CSMD3: variants seen among roughly 807,000 people sequenced by gnomAD.
CSMD3 encodes CUB and Sushi multiple domains 3.
Under a neutral mutation model 435.2 loss-of-function variants are expected in CSMD3, and 177 were observed. That is an observed-to-expected ratio of 0.41 (90% confidence interval 0.36 to 0.46). CSMD3 has a LOEUF of 0.46. Ranked by LOEUF, CSMD3 falls within the 20% of genes least tolerant of loss-of-function variation. The probability of loss-of-function intolerance (pLI) is 0.34; values close to 1 mark genes in which losing one functional copy is unlikely to be tolerated. For missense variants in CSMD3, 4,265 were observed against 4,504.6 expected, an observed-to-expected ratio of 0.95 and a Z score of 1.52; for synonymous variants, 1,656 against 1,520.5, an observed-to-expected ratio of 1.09 and a Z score of -2.07.
chr8:112,997,862 GTATA>G lies in CSMD3; in HGVS notation c.1030+21201_1030+21204del, dbSNP rs35783145. ...CGTATGTATGTACATGTATATGTGT[GTATA>G]TATATATATATATACATATATATAT... On this transcript the variant is annotated intron_variant, in intron 6 of 70. Transcript: ENST00000297405. Among the ~76,000 whole-genome samples, 219 of 145,630 alleles carry G rather than the reference GTATA, an allele frequency of 1.5e-3. 3 individuals are homozygous for G. The South Asian group carries it at 0.019, about 13-fold the overall frequency.
chr8:113,216,369 T>C (rs1000443290), intron 3 of CSMD3, among the ~76,000 whole-genome samples: 11 of 151,886 alleles, frequency 7.2e-5, no homozygotes, highest in African/African-American at 2.4e-4. Flanking sequence ...GGCATTGAGA[T>C]ATAGTAAGCA....
intron 11 of CSMD3, among the ~76,000 whole-genome samples, chr8:112,834,480 A>G (rs1360320258): frequency 6.6e-6 from 1 of 151,790 alleles, no homozygotes; most frequent in Non-Finnish European, 1.5e-5. Context: ...AACTTAGTAT[A>G]TTGAGATATG....
At chr8:113,051,374 T>C (rs777030700) in intron 5 of CSMD3, among the ~76,000 whole-genome samples, 10 of 152,182 alleles carry the variant, frequency 6.6e-5, no homozygotes, top group Non-Finnish European at 1.2e-4. Flanking sequence ...CTTTGGGTAT[T>C]TGTCAAATTA....
rs114527199 is a variant in CSMD3, at chr8:113,206,938, T to C, written c.515-33022A>G. On this transcript the variant is annotated intron_variant, in intron 3 of 70. Coordinates refer to ENST00000297405, the MANE Select transcript of CSMD3 (RefSeq NM_198123.2). The stretch of plus-strand genomic sequence containing the variant: ...CAATAGTTTCTGCTGATGTTAATAT[T>C]TTCCTTATCTTTAAACCAGTGTTTC... 6.6e-3 allele frequency among the ~76,000 whole-genome samples: 1,006 copies of C among 152,292 alleles called. 11 individuals carry two copies. The highest frequency in any genetic ancestry group is 0.022 in the African/African-American group (905 of 41,562).
At chr8:112,291,740 C>A (rs770728214) in intron 55 of CSMD3, 45 bp from the exon 56 acceptor site, 2 of 1,206,006 alleles carry the variant, frequency 1.7e-6, no homozygotes, top group Non-Finnish European at 2.5e-6. Context: ...GAATAATATA[C>A]ATATACCTAT....
chr8:112,491,453 G>C (rs558010364), intron 31 of CSMD3, among the ~76,000 whole-genome samples: 6 of 152,186 alleles, frequency 3.9e-5, no homozygotes, highest in South Asian at 4.2e-4. Context: ...CCAGGAGTTT[G>C]AGACCAGCCT....
intron 2 of CSMD3, among the ~76,000 whole-genome samples, chr8:113,302,597 A>T (rs552437405): frequency 2.0e-5 from 3 of 152,034 alleles, no homozygotes; most frequent in East Asian, 3.9e-4. Flanking sequence ...GAGAACATTA[A>T]TATGCTTTCT....
intron 1 of CSMD3, among the ~76,000 whole-genome samples, chr8:113,355,448 G>C (rs1013492994): frequency 1.3e-5 from 2 of 151,874 alleles, no homozygotes; most frequent in African/African-American, 4.8e-5. Flanking sequence ...TCAGTGTCTG[G>C]TGAGGGCCAC....
At chr8:112,770,837 C>G (rs1269433348) in intron 13 of CSMD3, among the ~76,000 whole-genome samples, 5 of 151,858 alleles carry the variant, frequency 3.3e-5, no homozygotes, top group Admixed American at 3.3e-4. Flanking sequence ...CAGATTTTAC[C>G]TATAACAGCT....
intron 3 of CSMD3, among the ~76,000 whole-genome samples, chr8:113,265,449 G>A (rs1444106144): frequency 6.6e-6 from 1 of 151,514 alleles, no homozygotes; most frequent in African/African-American, 2.4e-5. Flanking sequence ...GGGATAGGTA[G>A]TTTGTACAGG....
intron 4 of CSMD3, among the ~76,000 whole-genome samples, chr8:113,156,933 A>AG (rs2091945238): frequency 7.2e-6 from 1 of 138,472 alleles, no homozygotes; most frequent in African/African-American, 3.0e-5. Context: ...TTTTGTCTCA[A>AG]AAGAGAGAGA....
At chr8:112,601,630 T>G (rs1425490398) in intron 22 of CSMD3, among the ~76,000 whole-genome samples, 1 of 152,172 alleles carries the variant, frequency 6.6e-6, no homozygotes, top group Non-Finnish European at 1.5e-5. Flanking sequence ...GCATTTTGGT[T>G]GCACTTTGAA....
chr8:112,831,038 C>A (rs1219772680), intron 11 of CSMD3, among the ~76,000 whole-genome samples: 1 of 152,026 alleles, frequency 6.6e-6, no homozygotes, highest in East Asian at 1.9e-4. Flanking sequence ...CCGCCCACCT[C>A]GGCCTCCCAA....
chr8:113,095,987 T>C (rs758972980), intron 5 of CSMD3, among the ~76,000 whole-genome samples: 3 of 152,168 alleles, frequency 2.0e-5, no homozygotes, highest in Non-Finnish European at 4.4e-5. Flanking sequence ...CTAATTTTGC[T>C]GACATTTTAG....
intron 12 of CSMD3, among the ~76,000 whole-genome samples, chr8:112,803,705 G>C (rs1296586020): frequency 6.6e-6 from 1 of 152,160 alleles, no homozygotes; most frequent in Non-Finnish European, 1.5e-5. Context: ...AGAAAGACCA[G>C]CTCTTATTTG....
intron 59 of CSMD3, among the ~76,000 whole-genome samples, chr8:112,266,629 T>A (rs1236562168): frequency 6.6e-6 from 1 of 152,234 alleles, no homozygotes; most frequent in African/African-American, 2.4e-5. Flanking sequence ...CCCATGAGTG[T>A]AAGTGCACAC....
Position 112,777,187 on chromosome 8 carries a change from T to C in CSMD3, c.1972+22975A>G, listed in dbSNP as rs192785595. Among the ~76,000 whole-genome samples the C allele has an allele frequency of 4.6e-5, 7 of 151,968 alleles. No homozygotes were observed. The East Asian group carries it at 1.4e-3, about 29-fold the overall frequency. On this transcript the variant is annotated intron_variant, in intron 13 of 70. Transcript: ENST00000297405. Reference sequence around the variant, plus strand: ...GTGTTATTGATAAAATTCAGCAAACTTTCCAGGCTTTGTCTGGTTCTTTCA... The same window carrying C: ...GTGTTATTGATAAAATTCAGCAAACCTTCCAGGCTTTGTCTGGTTCTTTCA...
At chr8:112,944,518 A>T (rs1459003) in intron 9 of CSMD3, among the ~76,000 whole-genome samples, 150,278 of 151,798 alleles carry the variant, frequency 0.99, 74,396 homozygotes, top group East Asian at 1. Flanking sequence ...AATGACTACA[A>T]AAATGCCTCA....
At chr8:113,165,725 A>C (rs1000341591) in intron 4 of CSMD3, among the ~76,000 whole-genome samples, 1 of 152,282 alleles carries the variant, frequency 6.6e-6, no homozygotes, top group South Asian at 2.1e-4. Context: ...AAAATGGATT[A>C]GTTTAAAATA....
Sources: gnomAD v4.1 joint callset for allele counts (sites outside exome capture counted in the v4.1 genomes callset) on GRCh38, gnomAD v4.1.1 for gene constraint, MANE v1.5 for transcripts, NCBI Gene and HGNC (gene_info 2026-07-23, HGNC 2026-07-21) for gene names.